RARB: variants seen among roughly 807,000 people sequenced by gnomAD.
The protein encoded by RARB is HBV-activated protein.
A neutral mutation model predicts 51.9 loss-of-function variants in RARB; 17 were observed. The ratio of observed to expected loss-of-function variants is 0.33; its 90% CI spans 0.22 to 0.49. The LOEUF (loss-of-function observed/expected upper bound fraction) is 0.49, where lower values mean the gene tolerates loss of function less well. Among genes scored for constraint, RARB ranks in the 20% least tolerant of loss-of-function variants. The probability of loss-of-function intolerance (pLI) is 0.99; values close to 1 mark genes in which losing one functional copy is unlikely to be tolerated. For missense variants in RARB, 369 were observed against 550.8 expected, an observed-to-expected ratio of 0.67 and a Z score of 3.30; for synonymous variants, 215 against 195.4, an observed-to-expected ratio of 1.10 and a Z score of -0.84.
chr3:25,307,167 G>A (rs955815840), intron 5 of RARB, among the ~76,000 whole-genome samples: 16 of 152,030 alleles, frequency 1.1e-4, no homozygotes, highest in African/African-American at 3.1e-4. Context: ...ATTGAGAACC[G>A]GAGTTCAAGA....
At chr3:25,499,722 C>G (rs1292994748) in intron 2 of RARB, among the ~76,000 whole-genome samples, 1 of 151,866 alleles carries the variant, frequency 6.6e-6, no homozygotes, top group Non-Finnish European at 1.5e-5. Context: ...AGTAGGATGA[C>G]AAAGCTGGTT....
In RARB at chr3:25,597,162, C is replaced by G. The variant is rs1206306816; in HGVS notation, c.*546C>G. 6.6e-6 allele frequency: 1 copy of G among 152,634 alleles called. No homozygotes were observed. Among genetic ancestry groups the G allele is most frequent in the Non-Finnish European group, 1.5e-5 (1 of 68,058 alleles). 9.5% of individuals were successfully genotyped at this position (152,634 alleles called of 1,614,324 possible). A position where few individuals can be genotyped will look rare whatever the true frequency, so the allele number is the denominator to read the frequency against. Reference sequence around the variant, plus strand: ...TTGACAGGACTATTGTACAGTATGACAAGATAAGGCTGAAGATATTCTACT... The same window carrying G: ...TTGACAGGACTATTGTACAGTATGAGAAGATAAGGCTGAAGATATTCTACT... On this transcript the variant is annotated 3_prime_UTR_variant, in exon 8 of 8. Transcript: ENST00000330688.
intron 5 of RARB, among the ~76,000 whole-genome samples, chr3:25,338,561 G>C (rs1705132332): frequency 6.6e-6 from 1 of 152,166 alleles, no homozygotes; most frequent in African/African-American, 2.4e-5. Context: ...CCAAAAGGCA[G>C]CTGCCAGCCT....
intron 2 of RARB, among the ~76,000 whole-genome samples, chr3:24,863,576 T>C (rs1314157948): frequency 6.6e-6 from 1 of 152,124 alleles, no homozygotes; most frequent in African/African-American, 2.4e-5. Flanking sequence ...AAGAAGTGAA[T>C]GCCAAAATAG....
intron 5 of RARB, among the ~76,000 whole-genome samples, chr3:25,341,689 C>G (rs1370212526): frequency 2.0e-5 from 3 of 151,990 alleles, no homozygotes; most frequent in Non-Finnish European, 4.4e-5. Flanking sequence ...TTTTGGTTGT[C>G]ACAACTGGAA....
chr3:25,456,632 T>G (rs1318819779), intron 1 of RARB, among the ~76,000 whole-genome samples: 1 of 115,864 alleles, frequency 8.6e-6, no homozygotes, highest in Non-Finnish European at 1.7e-5. Context: ...AAAAGACCAC[T>G]GACCATCAAT....
chr3:25,430,405 T>C (rs1422762710), intron 1 of RARB, among the ~76,000 whole-genome samples: 1 of 152,256 alleles, frequency 6.6e-6, no homozygotes, highest in Non-Finnish European at 1.5e-5. Context: ...GAACTGGGGC[T>C]CTCTGAAACT....
At chr3:25,427,680 G>A (rs1305430321), upstream of RARB, among the ~76,000 whole-genome samples, 1 of 152,130 alleles carries the variant, frequency 6.6e-6, no homozygotes, top group Non-Finnish European at 1.5e-5. Context: ...TTCAGCCAGG[G>A]GCTTGCAAGA....
chr3:25,174,203 A>ATC, exon 5 of RARB: 5 of 298,562 alleles, frequency 1.7e-5, no homozygotes, highest in South Asian at 7.2e-5. Context: ...CCTTCCTGTA[A>ATC]TCAGTGTAGC....
intron 2 of RARB, among the ~76,000 whole-genome samples, chr3:24,904,240 A>G (rs1694800808): frequency 6.6e-6 from 1 of 152,200 alleles, no homozygotes; most frequent in Admixed American, 6.5e-5. Context: ...ACATGTTGTA[A>G]TGTGTGTGTT....
intron 2 of RARB, among the ~76,000 whole-genome samples, chr3:24,923,248 CCT>C (rs1308502988): frequency 2.6e-5 from 4 of 152,070 alleles, no homozygotes; most frequent in African/African-American, 4.8e-5. Flanking sequence ...AGATAGCAAA[CCT>C]CTCTGTATTT....
At chr3:24,955,948 C>T (rs1696005573) in intron 2 of RARB, among the ~76,000 whole-genome samples, 1 of 152,142 alleles carries the variant, frequency 6.6e-6, no homozygotes, top group Admixed American at 6.5e-5. Context: ...TGAGGCTGAC[C>T]TGGAATCTTT....
At chr3:24,958,111 G>A (rs1575091222) in intron 2 of RARB, among the ~76,000 whole-genome samples, 1 of 152,094 alleles carries the variant, frequency 6.6e-6, no homozygotes, top group African/African-American at 2.4e-5. Flanking sequence ...ACACACTCCA[G>A]CAGGGCTCTT....
At chr3:25,371,460 A>T (rs780456183) in intron 5 of RARB, among the ~76,000 whole-genome samples, 12 of 152,168 alleles carry the variant, frequency 7.9e-5, no homozygotes, top group Non-Finnish European at 1.8e-4. Context: ...AGGACTGGAG[A>T]TGTTTCTTGG....
At chr3:25,222,140 A>G (rs568238953) in intron 5 of RARB, among the ~76,000 whole-genome samples, 14 of 152,170 alleles carry the variant, frequency 9.2e-5, no homozygotes, top group South Asian at 2.1e-4. Flanking sequence ...GGTAAATCCC[A>G]CTAATAAGGT....
intron 5 of RARB, among the ~76,000 whole-genome samples, chr3:25,401,718 C>T (rs899352300): frequency 2.6e-5 from 4 of 152,156 alleles, no homozygotes; most frequent in African/African-American, 9.7e-5. Flanking sequence ...CAGACGGAAG[C>T]ACAAACAGAT....
chr3:25,486,757 C>A (rs1002045643), intron 2 of RARB, among the ~76,000 whole-genome samples: 1 of 152,130 alleles, frequency 6.6e-6, no homozygotes, highest in Non-Finnish European at 1.5e-5. Context: ...ATATCCAGCA[C>A]ATATATGCAT....
rs753575383 is a variant in RARB, at chr3:24,900,685, T to A, written c.-380+41933T>A. Among the ~76,000 whole-genome samples the A allele has an allele frequency of 3.9e-5, 6 of 152,330 alleles. 1 individual carries two copies. In the South Asian group the frequency reaches 1.2e-3, roughly 32 times the overall value. Reference sequence around the variant, plus strand: ...CAATAGAGTTGTTTGCCTATTTTTCTAAAGATGGGATGAGACAGCTGATGT... The same window carrying A: ...CAATAGAGTTGTTTGCCTATTTTTCAAAAGATGGGATGAGACAGCTGATGT... On this transcript the variant is annotated intron_variant, in intron 2 of 11. Transcript: ENST00000383772.
chr3:25,012,616 T>G (rs976106051), intron 2 of RARB, among the ~76,000 whole-genome samples: 1 of 152,130 alleles, frequency 6.6e-6, no homozygotes, highest in Non-Finnish European at 1.5e-5. Flanking sequence ...CTTCTGTAGT[T>G]TGGCATATTT....
Sources: gnomAD v4.1 joint callset for allele counts (sites outside exome capture counted in the v4.1 genomes callset) on GRCh38, gnomAD v4.1.1 for gene constraint, MANE v1.5 for transcripts, NCBI Gene and HGNC (gene_info 2026-07-23, HGNC 2026-07-21) for gene names.